The following EPB41L4B variants were observed in gnomAD, a reference collection of about 807,000 sequenced individuals.
EPB41L4B encodes erythrocyte membrane protein band 4.1 like 4B.
Under a neutral mutation model 112.5 loss-of-function variants are expected in EPB41L4B, and 30 were observed. The ratio of observed to expected loss-of-function variants is 0.27; its 90% CI spans 0.20 to 0.36. EPB41L4B has a LOEUF of 0.36. EPB41L4B is among the 10% of genes least tolerant of loss of function. The pLI is 1.00. For missense variants in EPB41L4B, 1,024 were observed against 1,133.3 expected, an observed-to-expected ratio of 0.90 and a Z score of 1.38; for synonymous variants, 408 against 439.7, an observed-to-expected ratio of 0.93 and a Z score of 0.90.
In EPB41L4B at chr9:109,226,739, GAATA is replaced by G. The variant is rs201890590; in HGVS notation, c.1410-9598_1410-9595del. 6.2e-4 allele frequency among the ~76,000 whole-genome samples: 62 copies of G among 100,598 alleles called. 1 individual carries two copies. The East Asian group carries it at 0.016, about 26-fold the overall frequency. 66.0% of individuals were successfully genotyped at this position (100,598 alleles called of 152,430 possible). On this transcript the variant is annotated intron_variant, in intron 15 of 25. Coordinates refer to ENST00000374566, the MANE Select transcript of EPB41L4B (RefSeq NM_019114.5). Reference sequence around the variant, plus strand: ...TATATATATGAAGTATATATATGAAGAATATATATATGAAGAATATATATATATG... The same window carrying G: ...TATATATATGAAGTATATATATGAAGTATATATGAAGAATATATATATATG...
At chr9:109,238,990 C>G (rs1203842760) in intron 15 of EPB41L4B, among the ~76,000 whole-genome samples, 1 of 152,218 alleles carries the variant, frequency 6.6e-6, no homozygotes, top group African/African-American at 2.4e-5. Context: ...CTGAGAGGCC[C>G]TTGGACTTCA....
At chr9:109,293,379 CTTT>C (rs3061572) in intron 1 of EPB41L4B, among the ~76,000 whole-genome samples, 130,934 of 146,124 alleles carry the variant, frequency 0.9, 58,636 homozygotes, top group Middle Eastern at 0.96. Context: ...CATATGCATT[CTTT>C]TTTTTTTTTT....
intron 15 of EPB41L4B, chr9:109,241,958 C>T (rs1834368410): frequency 2.3e-5 from 17 of 751,376 alleles, no homozygotes; most frequent in South Asian, 8.9e-5. Flanking sequence ...GAATGGATTT[C>T]CTAGTAAGAA....
At chr9:109,200,899 G>A (rs747837479) in intron 19 of EPB41L4B, among the ~76,000 whole-genome samples, 88 of 152,132 alleles carry the variant, frequency 5.8e-4, no homozygotes, top group South Asian at 1.5e-3. Context: ...AAAATTAAGC[G>A]TCACTTTTAT....
At chr9:109,181,422 A>G (rs575186392) in intron 24 of EPB41L4B, among the ~76,000 whole-genome samples, 33 of 152,336 alleles carry the variant, frequency 2.2e-4, no homozygotes, top group Admixed American at 5.9e-4. Context: ...AGAAACAACA[A>G]TCATAACTGA....
At position 109,231,756 on chromosome 9, in the gene EPB41L4B, G is replaced by C. The variant is rs558694925; in HGVS notation, c.1409+11862C>G. ...GTCCCGACATTTTTCTGCCAGAAAG[G>C]CTGTTGTGTTGCAATGCTATTCTTG... is the stretch of plus-strand genomic sequence containing the variant. On this transcript the variant is annotated intron_variant, in intron 15 of 25. Coordinates refer to ENST00000374566, the MANE Select transcript of EPB41L4B (RefSeq NM_019114.5). 4.6e-5 allele frequency among the ~76,000 whole-genome samples: 7 copies of C among 152,282 alleles called. No individual in the cohort carries two copies. The South Asian group carries it at 1.5e-3, about 32-fold the overall frequency.
intron 1 of EPB41L4B, among the ~76,000 whole-genome samples, chr9:109,288,616 G>A (rs1271384174): frequency 1.3e-5 from 2 of 150,508 alleles, no homozygotes; most frequent in South Asian, 2.1e-4. Flanking sequence ...CCAGCTACTC[G>A]GGAGGCTGAG....
intron 13 of EPB41L4B, among the ~76,000 whole-genome samples, chr9:109,249,157 C>T (rs546815954): frequency 6.6e-6 from 1 of 151,608 alleles, no homozygotes; most frequent in South Asian, 2.1e-4. Context: ...AGTGTTATTG[C>T]TGGCTTCTCC....
intron 2 of EPB41L4B, among the ~76,000 whole-genome samples, chr9:109,278,481 C>T (rs957278631): frequency 2.0e-5 from 3 of 152,106 alleles, no homozygotes; most frequent in Non-Finnish European, 2.9e-5. Context: ...TCCCAGGTAC[C>T]GATTTTGTAC....
intron 1 of EPB41L4B, among the ~76,000 whole-genome samples, chr9:109,295,759 C>T (rs1336109434): frequency 6.6e-6 from 1 of 151,868 alleles, no homozygotes; most frequent in Non-Finnish European, 1.5e-5. Flanking sequence ...ATATGCAACA[C>T]CAAAAAAAAC....
intron 2 of EPB41L4B, among the ~76,000 whole-genome samples, chr9:109,273,911 T>G (rs1039680895): frequency 2.0e-5 from 3 of 152,180 alleles, no homozygotes; most frequent in African/African-American, 7.2e-5. Flanking sequence ...TAATTACATC[T>G]GAGATGGCAA....
chr9:109,258,534 T>C (rs1157410028), intron 6 of EPB41L4B, among the ~76,000 whole-genome samples: 1 of 152,240 alleles, frequency 6.6e-6, no homozygotes, highest in Non-Finnish European at 1.5e-5. Flanking sequence ...TAGTTATTAC[T>C]GTCTTTCTCT....
At chr9:109,210,695 C>T (rs553565030) in intron 17 of EPB41L4B, among the ~76,000 whole-genome samples, 2 of 152,218 alleles carry the variant, frequency 1.3e-5, no homozygotes, top group South Asian at 2.1e-4. Flanking sequence ...GAAATTTGTG[C>T]GTCGTCATAT....
At chr9:109,291,244 C>A (rs1836516373) in intron 1 of EPB41L4B, among the ~76,000 whole-genome samples, 1 of 152,236 alleles carries the variant, frequency 6.6e-6, no homozygotes, top group Admixed American at 6.5e-5. Context: ...CTAGCCATCT[C>A]ATTCACCTTT....
At chr9:109,198,568 T>C (rs1377492564) in intron 20 of EPB41L4B, among the ~76,000 whole-genome samples, 2 of 152,142 alleles carry the variant, frequency 1.3e-5, no homozygotes, top group Non-Finnish European at 2.9e-5. Flanking sequence ...CTCTGACCAA[T>C]GACACATCTG....
chr9:109,318,715 A>C (rs1211784459), intron 1 of EPB41L4B, among the ~76,000 whole-genome samples: 1 of 152,064 alleles, frequency 6.6e-6, no homozygotes, highest in Non-Finnish European at 1.5e-5. Context: ...GAACAGTAAC[A>C]TTTTTATGCT....
chr9:109,213,739 A>C lies in EPB41L4B; in HGVS notation c.1713T>G (p.Ala571=). The C allele has an allele frequency of 6.2e-7, 1 of 1,614,196 alleles. No individual in the cohort carries two copies. Among genetic ancestry groups the C allele is most frequent in the Non-Finnish European group, 8.5e-7 (1 of 1,180,034 alleles). The change falls in exon 17 of 26, where the codon GCT becomes GCG. Residue 571 remains alanine (A), a synonymous_variant. Transcript: ENST00000374566. ...TGTGCAGAGGAGGCCAGGGTCCAGC[A>C]GCCTTCACAGTTTCCAGTTCCAGCT... ...LKKLELETVK[A]AGPWPPLHIN...
chr9:109,306,731 C>G (rs2119244653), intron 1 of EPB41L4B, among the ~76,000 whole-genome samples: 1 of 152,344 alleles, frequency 6.6e-6, no homozygotes, highest in South Asian at 2.1e-4. Context: ...CTTTGAAAAA[C>G]TCCCCAGAAG....
At chr9:109,189,720 TG>T (rs968790567) in intron 22 of EPB41L4B, among the ~76,000 whole-genome samples, 1 of 147,692 alleles carries the variant, frequency 6.8e-6, no homozygotes, top group Non-Finnish European at 1.5e-5. Context: ...CCTCTGCCTC[TG>T]GGGGTCAAGC....
Sources: gnomAD v4.1 joint callset for allele counts (sites outside exome capture counted in the v4.1 genomes callset) on GRCh38, gnomAD v4.1.1 for gene constraint, MANE v1.5 for transcripts, NCBI Gene and HGNC (gene_info 2026-07-23, HGNC 2026-07-21) for gene names.